CEP70: variants seen among roughly 807,000 people sequenced by gnomAD.
The protein encoded by CEP70 is centrosomal protein 70, also known as centrosomal protein of 70 kDa.
A neutral mutation model predicts 90.9 loss-of-function variants in CEP70; 70 were observed. That is an observed-to-expected ratio of 0.77 (90% CI 0.64 to 0.94). The LOEUF is 0.94. Ranked by LOEUF, CEP70 falls within the 40% of genes least tolerant of loss-of-function variation. The pLI, the probability that CEP70 is intolerant of heterozygous loss-of-function variation, is 0.00. For missense variants in CEP70, 648 were observed against 669.0 expected, an observed-to-expected ratio of 0.97 and a Z score of 0.35; for synonymous variants, 220 against 228.3, an observed-to-expected ratio of 0.96 and a Z score of 0.33.
intron 6 of CEP70, among the ~76,000 whole-genome samples, chr3:138,547,003 G>A (rs957593070): frequency 7.2e-5 from 11 of 152,138 alleles, no homozygotes; most frequent in African/African-American, 2.4e-4. Context: ...CTTATAAGAT[G>A]AAAAATGAAA....
chr3:138,554,838 G>A (rs941999495), intron 6 of CEP70, among the ~76,000 whole-genome samples: 1 of 152,168 alleles, frequency 6.6e-6, no homozygotes, highest in Admixed American at 6.5e-5. Context: ...AGATTGTGAT[G>A]ATTTTTTCCC....
At chr3:138,580,974 G>A (rs2041821209) in intron 2 of CEP70, among the ~76,000 whole-genome samples, 1 of 151,940 alleles carries the variant, frequency 6.6e-6, no homozygotes, top group Non-Finnish European at 1.5e-5. Flanking sequence ...CACGGTCAGA[G>A]GAGACAAGAG....
chr3:138,570,960 C>A (rs2041130476), intron 5 of CEP70, 74 bp downstream of exon 5: 1 of 1,245,708 alleles, frequency 8.0e-7, no homozygotes, highest in African/African-American at 1.5e-5. Flanking sequence ...AATTAAATTT[C>A]AAGATTTTTT....
At chr3:138,581,850 C>T (rs2041877886) in intron 2 of CEP70, among the ~76,000 whole-genome samples, 1 of 151,872 alleles carries the variant, frequency 6.6e-6, no homozygotes, top group Non-Finnish European at 1.5e-5. Context: ...CCCAAGGAGA[C>T]TACCTCAAGG....
intron 8 of CEP70, among the ~76,000 whole-genome samples, 193 bp from the exon 9 acceptor site, chr3:138,529,655 ACT>A (rs2037632130): frequency 6.6e-6 from 1 of 152,092 alleles, no homozygotes. Flanking sequence ...GTATCCATTT[ACT>A]CTCTTTTTAC....
chr3:138,537,368 A>T, intron 6 of CEP70, 21 bp from the exon 7 acceptor site: 1 of 1,520,634 alleles, frequency 6.6e-7, no homozygotes, highest in Non-Finnish European at 8.9e-7. Flanking sequence ...TTTTTTAAAA[A>T]CATGATTATG....
chr3:138,591,156 A>T (rs1448977000), intron 2 of CEP70, among the ~76,000 whole-genome samples: 3 of 152,210 alleles, frequency 2.0e-5, no homozygotes, highest in African/African-American at 7.2e-5. Flanking sequence ...CTTTTTGAGC[A>T]CCAACTTGAC....
In CEP70 at chr3:138,558,411, G is replaced by A. The variant is rs986324359; in HGVS notation, c.465+11907C>T. On this transcript the variant is annotated intron_variant, in intron 6 of 17. Transcript: ENST00000264982. The stretch of plus-strand genomic sequence containing the variant: ...ACTCAAAGTAGCAAGTCTAGCTTTT[G>A]GAGCTACATTTCCCACAAGTGTGTT... Among the ~76,000 whole-genome samples, 49 of 152,194 alleles carry A rather than the reference G, an allele frequency of 3.2e-4. 1 individual carries two copies. The highest frequency in any genetic ancestry group is 1.1e-3 in the African/African-American group (47 of 41,548).
At position 138,575,975 on chromosome 3, in the gene CEP70, C is replaced by T. The variant is rs577747077; in HGVS notation, c.-5-3043G>A. 4.8e-3 allele frequency among the ~76,000 whole-genome samples: 725 copies of T among 152,264 alleles called. 4 individuals are homozygous for T. Among genetic ancestry groups the T allele is most frequent in the African/African-American group, 0.017 (698 of 41,552 alleles). On this transcript the variant is annotated intron_variant, in intron 2 of 17. Coordinates refer to ENST00000264982, the MANE Select transcript of CEP70 (RefSeq NM_024491.4). Reference sequence around the variant, plus strand: ...AGCACTAAACATGGAAAGGAACAACCAGTACCAGCCACTGCAAAAACATGC... The same window carrying T: ...AGCACTAAACATGGAAAGGAACAACTAGTACCAGCCACTGCAAAAACATGC...
intron 6 of CEP70, among the ~76,000 whole-genome samples, chr3:138,566,127 T>C (rs1035674293): frequency 5.9e-5 from 9 of 152,194 alleles, no homozygotes; most frequent in Non-Finnish European, 1.3e-4. Context: ...CACAATGAGA[T>C]ACCATCTCAT....
chr3:138,556,800 C>T (rs2040044140), intron 6 of CEP70, among the ~76,000 whole-genome samples: 1 of 152,066 alleles, frequency 6.6e-6, no homozygotes, highest in African/African-American at 2.4e-5. Flanking sequence ...AGATCACGTA[C>T]TTCACAAGGT....
intron 11 of CEP70, among the ~76,000 whole-genome samples, chr3:138,513,586 G>C (rs2035728004): frequency 6.6e-6 from 1 of 152,156 alleles, no homozygotes; most frequent in Non-Finnish European, 1.5e-5. Context: ...AGGGAAAAAT[G>C]CAACACTGAA....
At chr3:138,572,051 T>C (rs2041213277) in intron 3 of CEP70, among the ~76,000 whole-genome samples, 1 of 134,754 alleles carries the variant, frequency 7.4e-6, no homozygotes, top group Non-Finnish European at 1.6e-5. Context: ...GTGCTGAGAT[T>C]ACAGGCGTGA....
chr3:138,564,972 T>G (rs2040681330), intron 6 of CEP70, among the ~76,000 whole-genome samples: 1 of 152,192 alleles, frequency 6.6e-6, no homozygotes, highest in Non-Finnish European at 1.5e-5. Flanking sequence ...CAAAATCTCC[T>G]TAAGCTGATA....
intron 11 of CEP70, among the ~76,000 whole-genome samples, chr3:138,521,425 G>A (rs13070772): frequency 3.4e-5 from 5 of 147,112 alleles, no homozygotes; most frequent in Non-Finnish European, 3.0e-5. Flanking sequence ...CAGCCGCCCA[G>A]TCTGGGAAGT....
chr3:138,563,053 A>T (rs997187225), intron 6 of CEP70, among the ~76,000 whole-genome samples: 3 of 152,172 alleles, frequency 2.0e-5, no homozygotes, highest in African/African-American at 7.2e-5. Flanking sequence ...AGGGGTTGCA[A>T]TCCTAGTCTC....
chr3:138,532,436 GT>G, intron 8 of CEP70, 77 bp downstream of exon 8: 1 of 1,291,942 alleles, frequency 7.7e-7, no homozygotes, highest in Non-Finnish European at 1.0e-6. Flanking sequence ...GTATATTAAA[GT>G]TTCAAAAGCT....
chr3:138,591,531 A>G (rs1397355060), intron 2 of CEP70, among the ~76,000 whole-genome samples: 1 of 152,156 alleles, frequency 6.6e-6, no homozygotes, highest in African/African-American at 2.4e-5. Context: ...TTTCCTCATC[A>G]TAAAATAAGG....
At chr3:138,519,505 A>C (rs1018902988) in intron 11 of CEP70, among the ~76,000 whole-genome samples, 2 of 152,364 alleles carry the variant, frequency 1.3e-5, no homozygotes, top group African/African-American at 2.4e-5. Flanking sequence ...TCTACAAACC[A>C]GAAGAGAGTG....
Sources: gnomAD v4.1 joint callset for allele counts (sites outside exome capture counted in the v4.1 genomes callset) on GRCh38, gnomAD v4.1.1 for gene constraint, MANE v1.5 for transcripts, NCBI Gene and HGNC (gene_info 2026-07-23, HGNC 2026-07-21) for gene names.